IL16: variants seen among roughly 807,000 people sequenced by gnomAD.
The protein encoded by IL16 is pro-interleukin-16.
In IL16, 67 loss-of-function variants were observed where a neutral mutation model predicts 110.1. The ratio of observed to expected loss-of-function variants is 0.61; its 90% CI spans 0.50 to 0.75. The LOEUF is 0.75. IL16 is among the 30% of genes least tolerant of loss of function. The pLI is 0.00. For synonymous variants in IL16, 689 were observed against 662.9 expected, an observed-to-expected ratio of 1.04 and a Z score of -0.61; for missense variants, 1,545 against 1,655.0, an observed-to-expected ratio of 0.93 and a Z score of 1.15.
intron 1 of IL16, among the ~76,000 whole-genome samples, chr15:81,224,587 A>G (rs1896725498): frequency 6.6e-6 from 1 of 152,234 alleles, no homozygotes. Flanking sequence ...AAAGGCACTC[A>G]TGTTTGCCAG....
Position 81,313,150 on chromosome 15 carries a change from A to G in IL16, c.*4352A>G, listed in dbSNP as rs1216565758. ...GATGCGCAGTCCATCAGCTTGTTCC[A>G]AAGAGTGAACACAGGCCTCTGCGTG... On this transcript the variant is annotated 3_prime_UTR_variant, in exon 19 of 19. Coordinates refer to ENST00000683961, the MANE Select transcript of IL16 (RefSeq NM_172217.5). 2.3e-6 allele frequency: 3 copies of G among 1,328,792 alleles called. No homozygotes were observed. The highest frequency in any genetic ancestry group is 1.5e-5 in the African/African-American group (1 of 65,630). The allele number at this position is 1,328,792 out of a possible 1,614,324, so 82.3% of individuals were successfully genotyped here. A position where few individuals can be genotyped will look rare whatever the true frequency, so the allele number is the denominator to read the frequency against.
chr15:81,313,129 C>A lies in IL16; in HGVS notation c.*4331C>A. On this transcript the variant is annotated 3_prime_UTR_variant, in exon 19 of 19. Transcript: ENST00000683961. Reference sequence around the variant, plus strand: ...CCTCTGGTTGGCATTCTCAGAGATGCGCAGTCCATCAGCTTGTTCCAAAGA... The same window carrying A: ...CCTCTGGTTGGCATTCTCAGAGATGAGCAGTCCATCAGCTTGTTCCAAAGA... 8.7e-7 allele frequency: 1 copy of A among 1,154,964 alleles called. No individual in the cohort carries two copies. Among genetic ancestry groups the A allele is most frequent in the Non-Finnish European group, 1.2e-6 (1 of 859,780 alleles). The allele number at this position is 1,154,964 out of a possible 1,614,324, so 71.5% of individuals were successfully genotyped here.
Position 81,279,605 on chromosome 15 carries a change from G to C in IL16, c.912G>C (p.Thr304=), listed in dbSNP as rs775015723. Residue 304 remains threonine (T), a synonymous_variant, in exon 8 of 19, where the codon ACG becomes ACC. Transcript: ENST00000683961. The part of the protein sequence containing the change: ...LLTLTVRTRL[T]APPSLCSHLS... ...CCCTCACCGTGAGAACCCGCCTGAC[G>C]GCGCCTCCTTCCCTGTGCAGCCACC... 1.2e-6 allele frequency: 2 copies of C among 1,613,854 alleles called. No individual in the cohort carries two copies. The highest frequency in any genetic ancestry group is 1.7e-6 in the Non-Finnish European group (2 of 1,180,038).
At chr15:81,190,045 G>A (rs930701792) in intron 1 of IL16, among the ~76,000 whole-genome samples, 6 of 152,152 alleles carry the variant, frequency 3.9e-5, no homozygotes, top group Non-Finnish European at 1.5e-5. Flanking sequence ...AGCCACGCAG[G>A]CCAGGGCCCC....
At chr15:81,255,147 T>A (rs977388788) in intron 2 of IL16, among the ~76,000 whole-genome samples, 1 of 152,226 alleles carries the variant, frequency 6.6e-6, no homozygotes, top group Non-Finnish European at 1.5e-5. Context: ...TAGACCCTTG[T>A]TGGTGTCGAG....
In IL16 at chr15:81,273,134, C is replaced by T. The variant is rs767584916; in HGVS notation, c.720C>T (p.Gly240=). ...TTGGGGGAAAAGACAGCATTTATGG[C>T]CCCATTGGGATTTACGTCAAAACCA... ...SIVGGKDSIY[G]PIGIYVKTIF... Residue 240 remains glycine (G), a synonymous_variant, in exon 6 of 19, where the codon GGC becomes GGT. Transcript: ENST00000683961. 17 of 1,613,620 alleles carry T rather than the reference C, an allele frequency of 1.1e-5. No individual in the cohort carries two copies. The highest frequency in any genetic ancestry group is 1.4e-5 in the Non-Finnish European group (17 of 1,179,766).
At position 81,306,038 on chromosome 15, in the gene IL16, A is replaced by C. The variant is rs1289130924; in HGVS notation, c.3551A>C (p.Gln1184Pro). The change falls in exon 17 of 19, where the codon CAA becomes CCA. Residue 1184 changes from glutamine to proline, a missense_variant. By Grantham distance (76) the Gln-to-Pro change is moderately conservative. Transcript: ENST00000683961. ...THHDALAILRQAREPRQAVIV... is the reference protein window; with the variant it reads ...THHDALAILRPAREPRQAVIV... ...CATGATGCCTTGGCCATCCTCCGCC[A>C]AGCTCGAGAGCCCAGGCAAGCTGTG... The C allele has an allele frequency of 6.2e-7, 1 of 1,614,094 alleles. No homozygotes were observed. The highest frequency in any genetic ancestry group is 1.3e-5 in the African/African-American group (1 of 74,932).
intron 2 of IL16, among the ~76,000 whole-genome samples, chr15:81,237,548 T>A (rs1266919606): frequency 6.6e-6 from 1 of 152,180 alleles, no homozygotes; most frequent in East Asian, 1.9e-4. Context: ...TACACCGGTG[T>A]GTCAATTATC....
chr15:81,312,480 C>T lies in IL16; in HGVS notation c.*3682C>T, dbSNP rs987401240. On this transcript the variant is annotated 3_prime_UTR_variant, in exon 19 of 19. Transcript: ENST00000683961. ...GGAAAGAAAAGGAAGGCTCTTCTCC[C>T]CAGAGTTCCCCATGCAGACATGAGT... 4 of 152,282 alleles carry T rather than the reference C, an allele frequency of 2.6e-5. No individual in the cohort carries two copies. The highest frequency in any genetic ancestry group is 9.6e-5 in the African/African-American group (4 of 41,456). 9.4% of individuals were successfully genotyped at this position (152,282 alleles called of 1,614,324 possible).
intron 1 of IL16, among the ~76,000 whole-genome samples, chr15:81,214,374 T>C (rs1595954538): frequency 6.6e-6 from 1 of 152,314 alleles, no homozygotes; most frequent in East Asian, 1.9e-4. Context: ...TTTCCTTCAC[T>C]TATGAAGTTT....
At chr15:81,188,216 A>T in intron 1 of IL16, 1 of 415,490 alleles carries the variant, frequency 2.4e-6, no homozygotes, top group Admixed American at 2.6e-5. Context: ...ACAGCACAAA[A>T]TAGATTGCAG....
intron 6 of IL16, among the ~76,000 whole-genome samples, 195 bp from the exon 7 acceptor site, chr15:81,278,622 G>A (rs1215536212): frequency 6.6e-6 from 1 of 152,242 alleles, no homozygotes; most frequent in African/African-American, 2.4e-5. Flanking sequence ...CTGGAAGAGA[G>A]TGGGTGCCAG....
chr15:81,265,784 C>T lies in IL16; in HGVS notation c.547C>T (p.Pro183Ser). The change falls in exon 4 of 19, where the codon CCA (proline) becomes TCA (serine). Residue 183 changes from proline (P) to serine (S), a missense_variant. Transcript: ENST00000683961. ...GTCCCTCTCTCAACAATTGGACTGTCCAGCAGGAAAGGCTGCGGTAAGAAT... is the reference window on the plus strand; with the variant it reads ...GTCCCTCTCTCAACAATTGGACTGTTCAGCAGGAAAGGCTGCGGTAAGAAT... ...RKSLSQQLDC[P>S]AGKAAGTSRP... 1 of 1,612,670 alleles carries T rather than the reference C, an allele frequency of 6.2e-7. No individual in the cohort carries two copies.
upstream of IL16, among the ~76,000 whole-genome samples, chr15:81,194,748 A>T (rs1032442845): frequency 9.9e-5 from 15 of 152,218 alleles, no homozygotes; most frequent in African/African-American, 3.6e-4. Flanking sequence ...TGTTGGCAGC[A>T]TGCTTCCTCC....
intron 14 of IL16, among the ~76,000 whole-genome samples, chr15:81,300,762 G>A (rs1900243651): frequency 1.3e-5 from 2 of 152,298 alleles, no homozygotes; most frequent in Non-Finnish European, 2.9e-5. Flanking sequence ...AATTGCTCAT[G>A]AGGGCTGACA....
Position 81,278,843 on chromosome 15 carries a change from GA to G in IL16, c.819del (p.Glu273AspfsTer6), listed in dbSNP as rs1899033891. 1 of 1,613,024 alleles carries G rather than the reference GA, an allele frequency of 6.2e-7. No individual in the cohort carries two copies. Among genetic ancestry groups the G allele is most frequent in the Admixed American group, 1.7e-5 (1 of 60,010 alleles). ...EGDEILELNGESMAGLTHQDA... is the reference protein window; with the variant it reads ...EGDEILELNGXSMAGLTHQDA... ...TGATGAAATTCTGGAGCTCAATGGT[GA>G]ATCAATGGCTGGACTAACACATCAG... On this transcript the variant is annotated frameshift_variant, in exon 7 of 19. Coordinates refer to ENST00000683961, the MANE Select transcript of IL16 (RefSeq NM_172217.5). LOFTEE classifies it high-confidence loss of function.
chr15:81,233,745 T>C (rs1315137599), intron 2 of IL16, among the ~76,000 whole-genome samples: 2 of 152,072 alleles, frequency 1.3e-5, no homozygotes, highest in African/African-American at 2.4e-5. Context: ...TAACCATTAA[T>C]TTGCATGAAT....
chr15:81,258,306 C>T (rs561358355), intron 2 of IL16, among the ~76,000 whole-genome samples: 1 of 151,950 alleles, frequency 6.6e-6, no homozygotes, highest in East Asian at 1.9e-4. Flanking sequence ...TCATTACTGA[C>T]CCTGGTATGG....
chr15:81,257,403 T>C (rs1161770220), intron 2 of IL16, among the ~76,000 whole-genome samples: 3 of 152,130 alleles, frequency 2.0e-5, no homozygotes, highest in Non-Finnish European at 4.4e-5. Context: ...AAAAGGAATA[T>C]ACAAATAGGG....
Sources: allele counts gnomAD v4.1 joint callset (sites outside exome capture counted in the v4.1 genomes callset), GRCh38; gene constraint gnomAD v4.1.1; transcripts MANE v1.5; gene names NCBI Gene and HGNC (gene_info 2026-07-23, HGNC 2026-07-21).